The following OGN variants were observed in gnomAD, a reference collection of about 807,000 sequenced individuals.
The protein encoded by OGN is mimecan.
In OGN, 19 loss-of-function variants were observed where a neutral mutation model predicts 30.8. The ratio of observed to expected loss-of-function variants is 0.62; its 90% CI spans 0.43 to 0.90. OGN has a LOEUF of 0.90. Among genes scored for constraint, OGN ranks in the 40% least tolerant of loss-of-function variants. The pLI is 0.00. For synonymous variants in OGN, 126 were observed against 128.3 expected (o/e 0.98, Z 0.12); for missense variants, 283 against 349.7 (o/e 0.81, Z 1.52).
intron 5 of OGN, among the ~76,000 whole-genome samples, chr9:92,388,831 C>CAA (rs533649013): frequency 4.8e-5 from 4 of 83,562 alleles, no homozygotes; most frequent in Admixed American, 2.8e-4. Flanking sequence ...GACTCCATCT[C>CAA]AAAAAAAAAA....
At chr9:92,392,614 C>T (rs540074580) in intron 4 of OGN, among the ~76,000 whole-genome samples, 212 of 146,238 alleles carry the variant, frequency 1.4e-3, no homozygotes, top group African/African-American at 4.7e-3. Flanking sequence ...GACTCCATGT[C>T]GGGTTGGGGG....
intron 5 of OGN, among the ~76,000 whole-genome samples, chr9:92,388,047 A>G (rs1436766723): frequency 6.6e-6 from 1 of 152,142 alleles, no homozygotes; most frequent in Non-Finnish European, 1.5e-5. Context: ...TACAGGCATG[A>G]GCCACCGTGC....
In OGN at chr9:92,403,378, CAGG is replaced by C. The variant is rs763649095; in HGVS notation, c.27_29del (p.Leu13del). The C allele has an allele frequency of 3.1e-6, 5 of 1,612,616 alleles. No individual in the cohort carries two copies. Among genetic ancestry groups the C allele is most frequent in the Admixed American group, 3.3e-5 (2 of 59,906 alleles). ...GCTTTATCAGAGGCACAAGCAGTAACAGGAGAAGTGTAGACTGCAGAGTCTTCA... is the reference window on the plus strand; with the variant it reads ...GCTTTATCAGAGGCACAAGCAGTAACAGAAGTGTAGACTGCAGAGTCTTCA... On this transcript the variant is annotated inframe_deletion, in exon 2 of 7. Coordinates refer to ENST00000375561, the MANE Select transcript of OGN (RefSeq NM_014057.5).
At chr9:92,388,371 A>G (rs1842522417) in intron 5 of OGN, among the ~76,000 whole-genome samples, 1 of 151,594 alleles carries the variant, frequency 6.6e-6, no homozygotes, top group Non-Finnish European at 1.5e-5. Context: ...CATGTTGGCC[A>G]GGCTGGTCCT....
At chr9:92,394,163 C>T (rs1842796968) in intron 3 of OGN, among the ~76,000 whole-genome samples, 1 of 152,086 alleles carries the variant, frequency 6.6e-6, no homozygotes, top group African/African-American at 2.4e-5. Flanking sequence ...ATTCCTTCTA[C>T]ATTTGTTAGT....
chr9:92,404,628 C>G, upstream of OGN: 1 of 1,281,274 alleles, frequency 7.8e-7, no homozygotes, highest in African/African-American at 1.6e-5. Flanking sequence ...TTTCAGGGCC[C>G]AGCAGCTTTA....
chr9:92,394,265 CAG>C (rs1353882179), intron 3 of OGN, among the ~76,000 whole-genome samples: 2 of 151,912 alleles, frequency 1.3e-5, no homozygotes, highest in African/African-American at 4.8e-5. Context: ...ATTTTTGAGA[CAG>C]AGTCTTGCCC....
intron 3 of OGN, among the ~76,000 whole-genome samples, 176 bp downstream of exon 3, chr9:92,400,916 C>T (rs980479748): frequency 2.6e-5 from 4 of 152,206 alleles, no homozygotes; most frequent in African/African-American, 9.6e-5. Context: ...ACATTTCTCA[C>T]TCATAATGTG....
chr9:92,401,474 T>C (rs1843109114), intron 2 of OGN, among the ~76,000 whole-genome samples: 1 of 152,222 alleles, frequency 6.6e-6, no homozygotes, highest in African/African-American at 2.4e-5. Flanking sequence ...CATCCTGAAA[T>C]TCCAAATGAA....
chr9:92,390,188 A>T, intron 4 of OGN, 132 bp from the exon 5 acceptor site: 1 of 587,200 alleles, frequency 1.7e-6, no homozygotes, highest in Non-Finnish European at 2.9e-6. Context: ...TTTACAATTC[A>T]TAGCCCAGTA....
At chr9:92,394,948 A>C (rs1842835252) in intron 3 of OGN, among the ~76,000 whole-genome samples, 1 of 152,094 alleles carries the variant, frequency 6.6e-6, no homozygotes, top group South Asian at 2.1e-4. Context: ...ATCAATATGA[A>C]TTGTGTCCCA....
chr9:92,393,613 T>C (rs528005645), intron 3 of OGN, among the ~76,000 whole-genome samples: 12 of 152,320 alleles, frequency 7.9e-5, no homozygotes, highest in Middle Eastern at 6.8e-3. Flanking sequence ...AGCTAGACTT[T>C]AGTAACCACT....
At chr9:92,395,472 T>C (rs72752447) in intron 3 of OGN, among the ~76,000 whole-genome samples, 3,206 of 152,326 alleles carry the variant, frequency 0.021, 53 homozygotes, top group South Asian at 0.045. Flanking sequence ...TTCAAAGAAA[T>C]TTATGTGTAA....
chr9:92,385,636 A>AT lies in OGN; in HGVS notation c.880dup (p.Ile294AsnfsTer15). ...CAATAGAGGTTAAAAGTATGACCCTATCGGTAATCTTTTTAAGCAAATAAA... is the reference window on the plus strand; with the variant it reads ...CAATAGAGGTTAAAAGTATGACCCTATTCGGTAATCTTTTTAAGCAAATAAA... On this transcript the variant is annotated frameshift_variant, in exon 7 of 7. Transcript: ENST00000375561. LOFTEE classifies it high-confidence loss of function. 1.2e-6 allele frequency: 2 copies of AT among 1,614,096 alleles called. No homozygotes were observed. Among genetic ancestry groups the AT allele is most frequent in the Middle Eastern group, 3.3e-4 (2 of 6,062 alleles).
rs900186969 is a variant in OGN, at chr9:92,385,850, A to G, written c.727-60T>C. On this transcript the variant is annotated intron_variant, in intron 6 of 6. Transcript: ENST00000375561. ...CTGAAATCAACCTTTCATATGCTAT[A>G]TAATGGGTAAAGGAAACCTAAGTCA... The G allele has an allele frequency of 5.8e-6, 9 of 1,552,622 alleles. No homozygotes were observed. The South Asian group carries it at 6.8e-5, about 12-fold the overall frequency.
intron 3 of OGN, among the ~76,000 whole-genome samples, chr9:92,394,094 T>C (rs1396084659): frequency 6.6e-6 from 1 of 152,210 alleles, no homozygotes; most frequent in Non-Finnish European, 1.5e-5. Context: ...TTAGCATCCA[T>C]TGATGATTCT....
At chr9:92,393,333 A>G (rs755103152) in intron 3 of OGN, 89 bp from the exon 4 acceptor site, 18 of 1,002,282 alleles carry the variant, frequency 1.8e-5, no homozygotes, top group Admixed American at 2.6e-5. Flanking sequence ...TATGAATGCT[A>G]TTACTAATTT....
intron 4 of OGN, among the ~76,000 whole-genome samples, chr9:92,391,213 G>C (rs374308102): frequency 1.3e-5 from 2 of 151,444 alleles, no homozygotes; most frequent in East Asian, 3.9e-4. Context: ...TGGCTAACAC[G>C]GTGAAACCCC....
chr9:92,389,688 C>G, intron 5 of OGN, 166 bp downstream of exon 5: 2 of 545,488 alleles, frequency 3.7e-6, no homozygotes, highest in South Asian at 5.5e-5. Context: ...ATAAGCTAGG[C>G]TGAATGAGCC....
Sources: allele counts gnomAD v4.1 joint callset (sites outside exome capture counted in the v4.1 genomes callset), GRCh38; gene constraint gnomAD v4.1.1; transcripts MANE v1.5; gene names NCBI Gene and HGNC (gene_info 2026-07-23, HGNC 2026-07-21).